Variants in LARS1 observed in about 807,000 individuals in gnomAD.
LARS1 encodes the protein leucine--tRNA ligase, cytoplasmic.
In LARS1, 100 loss-of-function variants were observed where a neutral mutation model predicts 162.8. The observed-to-expected ratio is 0.61, with a 90% confidence interval of 0.52 to 0.73. The LOEUF (loss-of-function observed/expected upper bound fraction) is 0.73. Ranked by LOEUF, LARS1 falls within the 30% of genes least tolerant of loss-of-function variation. LARS1 has a pLI of 0.00. For missense variants in LARS1, 1,258 were observed against 1,408.9 expected, an observed-to-expected ratio of 0.89 and a Z score of 1.71; for synonymous variants, 457 against 462.8, an observed-to-expected ratio of 0.99 and a Z score of 0.16.
At chr5:146,153,024 G>T in intron 13 of LARS1, 150 bp downstream of exon 13, 1 of 544,702 alleles carries the variant, frequency 1.8e-6, no homozygotes, top group South Asian at 2.7e-5. Context: ...ATCTACCATA[G>T]CAGGTATCAA....
At position 146,151,995 on chromosome 5, in the gene LARS1, A is replaced by C. The variant is rs150429680; in HGVS notation, c.1292T>G (p.Val431Gly). ...ATTTCCAAAACCTGGGATTTCAATG[A>C]CTGGCACCTGCAGCAAACAGCAATC... ...DMVLPFEPVP[V>G]IEIPGFGNLS... is the part of the protein sequence containing the mutation. The change falls in exon 14 of 32, where the codon GTC becomes GGC. Residue 431 changes from valine (V) to glycine (G), a missense_variant. Coordinates refer to ENST00000394434, the MANE Select transcript of LARS1 (RefSeq NM_020117.11). 2 of 1,613,840 alleles carry C rather than the reference A, an allele frequency of 1.2e-6. No homozygotes were observed. Among genetic ancestry groups the C allele is most frequent in the Admixed American group, 3.3e-5 (2 of 59,998 alleles).
At chr5:146,125,411 A>C (rs1452996054) in intron 28 of LARS1, among the ~76,000 whole-genome samples, 1 of 152,066 alleles carries the variant, frequency 6.6e-6, no homozygotes. Context: ...TCTGCAGCCA[A>C]GAAGACACAA....
Position 146,139,912 on chromosome 5 carries a change from G to T in LARS1, c.2148+292C>A, listed in dbSNP as rs188383833. ...AAAAAAAAAAATTAATTTATGCCTCGTCCTAAATATGCTAATTAGAAGGTT... is the reference window on the plus strand; with the variant it reads ...AAAAAAAAAAATTAATTTATGCCTCTTCCTAAATATGCTAATTAGAAGGTT... On this transcript the variant is annotated intron_variant, in intron 21 of 31. Transcript: ENST00000394434. Among the ~76,000 whole-genome samples the T allele has an allele frequency of 3.0e-3, 438 of 147,108 alleles. 4 individuals carry two copies. Among genetic ancestry groups the T allele is most frequent in the African/African-American group, 0.01 (411 of 39,708 alleles).
In LARS1 at chr5:146,114,403, T is replaced by G. The variant is rs1764108298; in HGVS notation, c.3326-92A>C. On this transcript the variant is annotated intron_variant, in intron 31 of 31. Coordinates refer to ENST00000394434, the MANE Select transcript of LARS1 (RefSeq NM_020117.11). ...GAACTCACGTTTTAAATACGCTGGT[T>G]GTTATATCTAAACAAAAATATTTTC... 4 of 973,352 alleles carry G rather than the reference T, an allele frequency of 4.1e-6. No individual in the cohort carries two copies. The South Asian group carries it at 4.5e-5, about 11-fold the overall frequency. The allele number at this position is 973,352 out of a possible 1,614,324, so 60.3% of individuals were successfully genotyped here.
chr5:146,180,800 C>CA (rs1754800807), intron 1 of LARS1, among the ~76,000 whole-genome samples: 3 of 152,136 alleles, frequency 2.0e-5, no homozygotes, highest in Admixed American at 1.3e-4. Context: ...TCACTGGTAA[C>CA]AAAAGGCTAT....
rs113991814 is a variant in LARS1, at chr5:146,155,197, T to C, written c.1066-1217A>G. Among the ~76,000 whole-genome samples the C allele has an allele frequency of 5.3e-5, 8 of 152,300 alleles. No homozygotes were observed. The South Asian group carries it at 6.2e-4, about 12-fold the overall frequency. ...ATTATAATAACTAAATCTGTCAATA[T>C]TATGACATGAGTACACTAATACATT... is the stretch of plus-strand genomic sequence containing the variant. On this transcript the variant is annotated intron_variant, in intron 10 of 31. Coordinates refer to ENST00000394434, the MANE Select transcript of LARS1 (RefSeq NM_020117.11).
At chr5:146,178,990 G>C (rs1220306379) in intron 1 of LARS1, among the ~76,000 whole-genome samples, 1 of 152,076 alleles carries the variant, frequency 6.6e-6, no homozygotes, top group Non-Finnish European at 1.5e-5. Context: ...CCAGCACTTT[G>C]AGAGGCCGAG....
rs183474148 is a variant in LARS1 at position 146,169,572 on chromosome 5, G to A, written c.295-1307C>T. ...TTCTTTCTTTTTTTTTTTTGAGATG[G>A]AATTTTACTCTTGTTGCCCAGGCTG... On this transcript the variant is annotated intron_variant, in intron 4 of 31. Coordinates refer to ENST00000394434, the MANE Select transcript of LARS1 (RefSeq NM_020117.11). Among the ~76,000 whole-genome samples, 700 of 151,328 alleles carry A rather than the reference G, an allele frequency of 4.6e-3. 3 individuals are homozygous for A. The highest frequency in any genetic ancestry group is 0.017 in the Middle Eastern group (5 of 294).
chr5:146,149,253 G>A (rs1466192383), intron 15 of LARS1, among the ~76,000 whole-genome samples: 1 of 152,134 alleles, frequency 6.6e-6, no homozygotes, highest in African/African-American at 2.4e-5. Context: ...AAATAAAAAT[G>A]TAAAGGGTTA....
intron 20 of LARS1, among the ~76,000 whole-genome samples, chr5:146,142,037 G>A (rs1369789400): frequency 6.6e-6 from 1 of 152,130 alleles, no homozygotes; most frequent in African/African-American, 2.4e-5. Context: ...GTGCACACCT[G>A]TAATCCCAGC....
chr5:146,146,126 A>G (rs1178906987), intron 15 of LARS1, among the ~76,000 whole-genome samples: 1 of 152,118 alleles, frequency 6.6e-6, no homozygotes, highest in Non-Finnish European at 1.5e-5. Flanking sequence ...ACACTTTGGG[A>G]GGCCAAGAGT....
At chr5:146,133,711 A>C (rs1752391774) in intron 22 of LARS1, among the ~76,000 whole-genome samples, 1 of 151,536 alleles carries the variant, frequency 6.6e-6, no homozygotes, top group African/African-American at 2.4e-5. Context: ...AAAAAAAAAA[A>C]AGAGGGAACT....
intron 15 of LARS1, among the ~76,000 whole-genome samples, chr5:146,149,325 C>T (rs1753165676): frequency 6.6e-6 from 1 of 152,144 alleles, no homozygotes; most frequent in Non-Finnish European, 1.5e-5. Flanking sequence ...ACGACAGAAA[C>T]ACCACAGAAA....
rs1476392301 is a variant in LARS1 at position 146,182,620 on chromosome 5, A to T, written c.-127T>A. The T allele has an allele frequency of 8.0e-7, 1 of 1,253,444 alleles. No individual in the cohort carries two copies. The highest frequency in any genetic ancestry group is 1.5e-5 in the African/African-American group (1 of 67,550). The allele number at this position is 1,253,444 out of a possible 1,614,324, so 77.6% of individuals were successfully genotyped here. On this transcript the variant is annotated 5_prime_UTR_variant, in exon 1 of 32. Coordinates refer to ENST00000394434, the MANE Select transcript of LARS1 (RefSeq NM_020117.11). The stretch of plus-strand genomic sequence containing the variant: ...CACGAAACTAAAGCACACGCTTCAC[A>T]CCTGCTGAGGCAATCATCCGGCTCC...
In LARS1 at chr5:146,159,413, A is replaced by G. The variant is rs755565446; in HGVS notation, c.765T>C (p.Thr255=). 6.2e-7 allele frequency: 1 copy of G among 1,609,174 alleles called. No individual in the cohort carries two copies. The highest frequency in any genetic ancestry group is 8.5e-7 in the Non-Finnish European group (1 of 1,175,664). The change falls in exon 8 of 32, where the codon ACT becomes ACC. Residue 255 remains threonine, a synonymous_variant. Transcript: ENST00000394434. ...CTGTCTCACAAATAATCACCTCTCC[A>G]GTTTGTCTATCATGATCCATGCAAG... ...GQPCMDHDRQ[T]GEGVGPQEYT...
At position 146,162,407 on chromosome 5, in the gene LARS1, A is replaced by G. The variant is rs143717143; in HGVS notation, c.594+1903T>C. Among the ~76,000 whole-genome samples, 700 of 152,240 alleles carry G rather than the reference A, an allele frequency of 4.6e-3. 5 individuals carry two copies. Among genetic ancestry groups the G allele is most frequent in the African/African-American group, 0.016 (653 of 41,552 alleles). The stretch of plus-strand genomic sequence containing the variant: ...TTGGGTGCATTGTCAATGAACAGTA[A>G]TATTTTGAAAGAAATTTTTTTTTTT... On this transcript the variant is annotated intron_variant, in intron 6 of 31. Transcript: ENST00000394434.
At position 146,140,466 on chromosome 5, in the gene LARS1, G is replaced by A. The variant is rs1004617694; in HGVS notation, c.2091-205C>T. Among the ~76,000 whole-genome samples, 6 of 152,282 alleles carry A rather than the reference G, an allele frequency of 3.9e-5. No individual in the cohort carries two copies. In the East Asian group the frequency reaches 9.7e-4, roughly 25 times the overall value. On this transcript the variant is annotated intron_variant, in intron 20 of 31. Transcript: ENST00000394434. ...AACTAGGATACAGGTATACAATGACGTAACTACTTAGGTGGGGCTACACGT... is the reference window on the plus strand; with the variant it reads ...AACTAGGATACAGGTATACAATGACATAACTACTTAGGTGGGGCTACACGT...
chr5:146,140,268 A>G lies in LARS1; in HGVS notation c.2091-7T>C. The stretch of plus-strand genomic sequence containing the variant: ...AGCTGTAGGCCATTTGTCACTTCAC[A>G]GATAAATGTTTAAAGATAGAAAATA... On this transcript the variant is annotated splice_region_variant and splice_polypyrimidine_tract_variant and intron_variant, in intron 20 of 31. Coordinates refer to ENST00000394434, the MANE Select transcript of LARS1 (RefSeq NM_020117.11). 1 of 1,598,264 alleles carries G rather than the reference A, an allele frequency of 6.3e-7. No individual in the cohort carries two copies. Among genetic ancestry groups the G allele is most frequent in the Non-Finnish European group, 8.6e-7 (1 of 1,165,820 alleles).
intron 15 of LARS1, among the ~76,000 whole-genome samples, chr5:146,147,646 G>C (rs1263479405): frequency 6.6e-6 from 1 of 152,056 alleles, no homozygotes; most frequent in Non-Finnish European, 1.5e-5. Context: ...AAAATGATGA[G>C]GGACTATCCC....
Sources: gnomAD v4.1 joint callset for allele counts (sites outside exome capture counted in the v4.1 genomes callset) on GRCh38, gnomAD v4.1.1 for gene constraint, MANE v1.5 for transcripts, NCBI Gene and HGNC (gene_info 2026-07-23, HGNC 2026-07-21) for gene names.